USP33: variants seen among roughly 807,000 people sequenced by gnomAD.
USP33 encodes the protein ubiquitin carboxyl-terminal hydrolase 33.
In USP33, 46 loss-of-function variants were observed where a neutral mutation model predicts 124.2. The ratio of observed to expected loss-of-function variants is 0.37; its 90% confidence interval spans 0.29 to 0.47. The LOEUF (loss-of-function observed/expected upper bound fraction) is 0.47. USP33 is among the 20% of genes least tolerant of loss of function. The pLI is 0.99. For missense variants in USP33, 851 were observed against 1,070.6 expected, an observed-to-expected ratio of 0.79 and a Z score of 2.86; for synonymous variants, 350 against 352.3, an observed-to-expected ratio of 0.99 and a Z score of 0.07.
intron 1 of USP33, among the ~76,000 whole-genome samples, chr1:77,758,453 C>A (rs1402132352): frequency 6.6e-6 from 1 of 152,066 alleles, no homozygotes; most frequent in African/African-American, 2.4e-5. Flanking sequence ...GGATTACAGG[C>A]GTGAGCCACC....
At chr1:77,720,188 A>C (rs868561951) in intron 15 of USP33, 12 of 493,372 alleles carry the variant, frequency 2.4e-5, no homozygotes, top group South Asian at 1.7e-4. Context: ...AAAAAAAAAA[A>C]AAAAAACCTT....
intron 21 of USP33, among the ~76,000 whole-genome samples, chr1:77,709,578 AC>A (rs1675005456): frequency 6.6e-6 from 1 of 150,988 alleles, no homozygotes; most frequent in Admixed American, 6.6e-5. Context: ...TATTTTATAT[AC>A]ATGTTTAATT....
chr1:77,710,504 TA>T (rs796439990), intron 21 of USP33, among the ~76,000 whole-genome samples: 8 of 152,336 alleles, frequency 5.3e-5, no homozygotes, highest in African/African-American at 1.9e-4. Flanking sequence ...AATATTCAAC[TA>T]AAGTTTGCTT....
At chr1:77,749,480 C>T (rs1680079857) in intron 1 of USP33, among the ~76,000 whole-genome samples, 2 of 151,900 alleles carry the variant, frequency 1.3e-5, no homozygotes, top group African/African-American at 2.4e-5. Flanking sequence ...CTCCCAGGTT[C>T]GTACGATTCT....
intron 6 of USP33, among the ~76,000 whole-genome samples, chr1:77,734,789 G>C (rs1201917621): frequency 1.3e-5 from 2 of 152,150 alleles, no homozygotes; most frequent in African/African-American, 4.8e-5. Flanking sequence ...TAAATGATAA[G>C]CAAACACCCT....
rs1677376250 is a variant in USP33 at position 77,728,186 on chromosome 1, C to A, written c.1135+109G>T. On this transcript the variant is annotated intron_variant, in intron 10 of 23. Transcript: ENST00000370794. ...TATGACTAATACTCACATGCAAATACTGCTAAACTATAATTCTAATTAGAA... is the reference window on the plus strand; with the variant it reads ...TATGACTAATACTCACATGCAAATAATGCTAAACTATAATTCTAATTAGAA... 7.2e-6 allele frequency: 9 copies of A among 1,253,036 alleles called. No individual in the cohort carries two copies. The South Asian group carries it at 1.4e-4, about 20-fold the overall frequency. The allele number at this position is 1,253,036 out of a possible 1,614,324, so 77.6% of individuals were successfully genotyped here. A position where few individuals can be genotyped will look rare whatever the true frequency, so the allele number is the denominator to read the frequency against.
chr1:77,701,382 C>T lies in USP33; in HGVS notation c.2496G>A (p.Lys832=), dbSNP rs1247387903. The part of the protein sequence containing the change: ...QWFREWESFV[K]GKDGDPPGPI... ...TCAACCACTTACCTCCATCTTTACC[C>T]TTCACAAAACTTTCCCATTCTCTAA... is the stretch of plus-strand genomic sequence containing the variant. Residue 832 remains lysine, a synonymous_variant, in exon 22 of 24, where the codon AAG becomes AAA. Transcript: ENST00000370794. The T allele has an allele frequency of 1.9e-6, 3 of 1,608,554 alleles. No homozygotes were observed. Among genetic ancestry groups the T allele is most frequent in the Non-Finnish European group, 2.5e-6 (3 of 1,178,524 alleles).
intron 21 of USP33, among the ~76,000 whole-genome samples, chr1:77,704,812 C>T (rs1367621664): frequency 2.0e-5 from 3 of 152,164 alleles, no homozygotes; most frequent in African/African-American, 4.8e-5. Context: ...GATACAATAT[C>T]CTTATGTATC....
rs1383511367 is a variant in USP33, at chr1:77,713,259, A to G, written c.2238T>C (p.Gly746=). The change falls in exon 20 of 24, where the codon GGT becomes GGC. Residue 746 remains glycine, a synonymous_variant. Transcript: ENST00000370794. ...IHGGVPPRKA[G]YIEDLVLMLP... ...GCATCAAAACCAGGTCTTCAATATA[A>G]CCAGCTTTTCTTGGAGGAACACCTA... is the stretch of plus-strand genomic sequence containing the variant. 3 of 1,573,244 alleles carry G rather than the reference A, an allele frequency of 1.9e-6. No individual in the cohort carries two copies.
At chr1:77,698,067 T>TA in intron 22 of USP33, 136 bp from the exon 23 acceptor site, 8 of 618,848 alleles carry the variant, frequency 1.3e-5, no homozygotes, top group Non-Finnish European at 1.9e-5. Flanking sequence ...TATAGTTAAT[T>TA]CTTTTTTTTT....
At chr1:77,717,015 G>A (rs1319930935) in intron 17 of USP33, among the ~76,000 whole-genome samples, 3 of 151,752 alleles carry the variant, frequency 2.0e-5, no homozygotes, top group Non-Finnish European at 4.4e-5. Context: ...ACAGGCGCCT[G>A]CCATCATGCT....
At chr1:77,750,663 A>AGAAAG (rs1553201900) in intron 1 of USP33, among the ~76,000 whole-genome samples, 66 of 150,282 alleles carry the variant, frequency 4.4e-4, no homozygotes, top group Middle Eastern at 6.8e-3. Context: ...AAAGAAAGAA[A>AGAAAG]GAAAGAAAGA....
intron 23 of USP33, 145 bp from the exon 24 acceptor site, chr1:77,697,619 T>C: frequency 9.5e-7 from 1 of 1,054,304 alleles, no homozygotes; most frequent in Non-Finnish European, 1.3e-6. Context: ...GCCCATATTG[T>C]TATAAGCTGA....
chr1:77,748,180 T>C (rs1295971578), intron 1 of USP33, among the ~76,000 whole-genome samples: 1 of 152,226 alleles, frequency 6.6e-6, no homozygotes, highest in Non-Finnish European at 1.5e-5. Context: ...GGAGGAGTTT[T>C]AGTTCTTATT....
chr1:77,722,097 C>G lies in USP33; in HGVS notation c.1489G>C (p.Val497Leu). ...LHSSSHPTSI[V>L]KAGSCGEAYA... ...GCTTCGCCACATGATCCTGCTTTGACTATAGAAGTTGGATGACTTGATGAA... is the reference window on the plus strand; with the variant it reads ...GCTTCGCCACATGATCCTGCTTTGAGTATAGAAGTTGGATGACTTGATGAA... The change falls in exon 13 of 24, where the codon GTC (valine) becomes CTC (leucine). Residue 497 changes from valine to leucine, a missense_variant. Physicochemically the swap from Val to Leu is conservative, Grantham distance 32 (BLOSUM62 1). Around this residue, in one of 4 missense-constraint regions of USP33, gnomAD observed 281 missense variants for 425.0 expected, o/e 0.66. Coordinates refer to ENST00000370794, the MANE Select transcript of USP33 (RefSeq NM_201624.3). The G allele has an allele frequency of 6.2e-7, 1 of 1,614,100 alleles. No individual in the cohort carries two copies. Among genetic ancestry groups the G allele is most frequent in the South Asian group, 1.1e-5 (1 of 91,086 alleles).
chr1:77,730,520 A>T, intron 8 of USP33, 98 bp downstream of exon 8: 3 of 857,792 alleles, frequency 3.5e-6, no homozygotes, highest in Non-Finnish European at 5.0e-6. Context: ...TCTCTCTTCT[A>T]CTTTTTTCCG....
intron 12 of USP33, 116 bp from the exon 13 acceptor site, chr1:77,722,312 A>C (rs942135029): frequency 9.7e-7 from 1 of 1,026,614 alleles, no homozygotes; most frequent in Non-Finnish European, 1.4e-6. Flanking sequence ...AAAAACAAAA[A>C]ACAAAAAAAA....
chr1:77,735,356 A>T (rs1464187520), intron 6 of USP33, among the ~76,000 whole-genome samples: 1 of 152,220 alleles, frequency 6.6e-6, no homozygotes, highest in African/African-American at 2.4e-5. Context: ...TTGGAGCAAA[A>T]TGAAGAAAAT....
At chr1:77,718,977 A>G (rs1676251328) in intron 15 of USP33, among the ~76,000 whole-genome samples, 1 of 151,966 alleles carries the variant, frequency 6.6e-6, no homozygotes, top group African/African-American at 2.4e-5. Context: ...GAGACAAAAG[A>G]TATCAGACTA....
Sources: allele counts gnomAD v4.1 joint callset (sites outside exome capture counted in the v4.1 genomes callset), GRCh38; gene constraint gnomAD v4.1.1; regional missense constraint gnomAD v4.1.1; transcripts MANE v1.5; gene names NCBI Gene and HGNC (gene_info 2026-07-23, HGNC 2026-07-21).